ENTPD1: variants seen among roughly 807,000 people sequenced by gnomAD.
The protein encoded by ENTPD1 is ATP diphosphohydrolase.
A neutral mutation model predicts 57.0 loss-of-function variants in ENTPD1; 33 were observed. The observed-to-expected ratio is 0.58, with a 90% confidence interval of 0.44 to 0.77. The LOEUF (loss-of-function observed/expected upper bound fraction) is 0.77. ENTPD1 is among the 30% of genes least tolerant of loss of function. ENTPD1 has a pLI of 0.00. For missense variants in ENTPD1, 501 were observed against 603.4 expected (o/e 0.83, Z 1.78); for synonymous variants, 202 against 218.8 (o/e 0.92, Z 0.68).
intron 1 of ENTPD1, among the ~76,000 whole-genome samples, chr10:95,732,696 G>T (rs2097990525): frequency 1.3e-5 from 2 of 152,118 alleles, no homozygotes; most frequent in Non-Finnish European, 2.9e-5. Context: ...GAGAAATAAA[G>T]GGAAAGAGTA....
chr10:95,797,039 C>T (rs2098229316), intron 1 of ENTPD1, among the ~76,000 whole-genome samples: 1 of 152,000 alleles, frequency 6.6e-6, no homozygotes, highest in African/African-American at 2.4e-5. Flanking sequence ...TGCCACTGCA[C>T]TCCAGCCTGG....
chr10:95,777,521 G>A (rs1406177309), intron 1 of ENTPD1, among the ~76,000 whole-genome samples: 1 of 152,158 alleles, frequency 6.6e-6, no homozygotes, highest in Non-Finnish European at 1.5e-5. Context: ...CCTTCCTCTG[G>A]AAGCTTCGTC....
chr10:95,761,917 C>T (rs766351511), intron 1 of ENTPD1, among the ~76,000 whole-genome samples: 9 of 152,130 alleles, frequency 5.9e-5, no homozygotes, highest in Non-Finnish European at 1.0e-4. Context: ...GCATTGTCTA[C>T]GCTCTGCAGA....
At chr10:95,696,438 C>T in the ENTPD1 span, among the ~76,000 whole-genome samples, 1 of 152,066 alleles carries the variant, frequency 6.6e-6, no homozygotes, top group Non-Finnish European at 1.5e-5. Context: ...ACCCACCACA[C>T]CCAGCTAATT....
chr10:95,824,760 C>G (rs2098367727), intron 2 of ENTPD1, among the ~76,000 whole-genome samples: 1 of 152,190 alleles, frequency 6.6e-6, no homozygotes, highest in South Asian at 2.1e-4. Flanking sequence ...CATGGACGAC[C>G]TTCCCTCATT....
At chr10:95,755,995 TCGA>T (rs2098021694), upstream of ENTPD1, 1 of 1,464,546 alleles carries the variant, frequency 6.8e-7, no homozygotes, top group South Asian at 1.5e-5. Flanking sequence ...GGAAAAGGCT[TCGA>T]GTAACTTTAG....
At chr10:95,695,755 T>A in the ENTPD1 span, among the ~76,000 whole-genome samples, 2 of 152,208 alleles carry the variant, frequency 1.3e-5, no homozygotes, top group Non-Finnish European at 2.9e-5. Context: ...GTTTTGTCTG[T>A]TTTGTTCATT....
intron 4 of ENTPD1, 73 bp downstream of exon 4, chr10:95,842,567 G>C: frequency 6.4e-7 from 1 of 1,553,236 alleles, no homozygotes; most frequent in Non-Finnish European, 8.7e-7. Context: ...GAAGTTATGG[G>C]AAAGGGCCAC....
At chr10:95,740,774 G>A (rs991982702) in intron 1 of ENTPD1, among the ~76,000 whole-genome samples, 3 of 152,202 alleles carry the variant, frequency 2.0e-5, no homozygotes, top group African/African-American at 4.8e-5. Flanking sequence ...TTCACCTTGC[G>A]CTTTTACATT....
At chr10:95,729,933 T>C (rs1170846938) in intron 1 of ENTPD1, among the ~76,000 whole-genome samples, 1 of 152,204 alleles carries the variant, frequency 6.6e-6, no homozygotes, top group Non-Finnish European at 1.5e-5. Flanking sequence ...GATTCCTGAT[T>C]TGTAGCAAGT....
intron 1 of ENTPD1, among the ~76,000 whole-genome samples, chr10:95,761,368 T>C (rs2098061483): frequency 6.6e-6 from 1 of 152,190 alleles, no homozygotes; most frequent in Non-Finnish European, 1.5e-5. Context: ...CCAATAGCTC[T>C]GAAGTAGGTC....
rs975927782 is a variant in ENTPD1, at chr10:95,844,735, TGATA to T, written c.573+104_573+107del. Reference sequence around the variant, plus strand: ...TCGCTAGCCAGAATGAATGAATGAATGATAGATGGATGGATGGATGGATGACTGG... The same window carrying T: ...TCGCTAGCCAGAATGAATGAATGAATGATGGATGGATGGATGGATGACTGG... On this transcript the variant is annotated intron_variant, in intron 5 of 9. Transcript: ENST00000371205. 4.0e-5 allele frequency: 55 copies of T among 1,370,180 alleles called. 1 individual carries two copies. Among genetic ancestry groups the T allele is most frequent in the Middle Eastern group, 2.4e-4 (1 of 4,182 alleles). The allele number at this position is 1,370,180 out of a possible 1,614,324, so 84.9% of individuals were successfully genotyped here. A position where few individuals can be genotyped will look rare whatever the true frequency, so the allele number is the denominator to read the frequency against.
intron 1 of ENTPD1, among the ~76,000 whole-genome samples, chr10:95,722,887 A>G (rs907596112): frequency 1.4e-4 from 22 of 152,328 alleles, no homozygotes; most frequent in Admixed American, 1.4e-3. Context: ...TACGAGTAAG[A>G]TTTGAGTTAG....
At chr10:95,835,226 T>C (rs1309349238) in intron 2 of ENTPD1, among the ~76,000 whole-genome samples, 1 of 152,226 alleles carries the variant, frequency 6.6e-6, no homozygotes, top group Non-Finnish European at 1.5e-5. Flanking sequence ...TCGCTTAGGG[T>C]AGTGGCCTCC....
At chr10:95,713,750 A>G (rs2097968411) in intron 1 of ENTPD1, among the ~76,000 whole-genome samples, 2 of 152,264 alleles carry the variant, frequency 1.3e-5, no homozygotes, top group Non-Finnish European at 1.5e-5. Flanking sequence ...AAAAAGGTAG[A>G]CAGGATATCC....
At chr10:95,861,738 A>C (rs2098465643) in intron 8 of ENTPD1, 1 of 152,134 alleles carries the variant, frequency 6.6e-6, no homozygotes, top group Admixed American at 6.5e-5. Context: ...GCTGCTGAGG[A>C]AGCAGATTTA....
chr10:95,708,682 T>C (rs944268802), upstream of ENTPD1, among the ~76,000 whole-genome samples: 1 of 152,246 alleles, frequency 6.6e-6, no homozygotes, highest in Admixed American at 6.5e-5. Flanking sequence ...AATGAGGTAG[T>C]TCTTTATTTA....
At chr10:95,771,460 G>A (rs1248835203) in intron 1 of ENTPD1, among the ~76,000 whole-genome samples, 1 of 152,188 alleles carries the variant, frequency 6.6e-6, no homozygotes, top group Admixed American at 6.5e-5. Flanking sequence ...GTCCTGAGGT[G>A]GGAAGGAATG....
Position 95,762,204 on chromosome 10 carries a change from A to G in ENTPD1, c.16+5949A>G, listed in dbSNP as rs567392762. Among the ~76,000 whole-genome samples, 9 of 147,374 alleles carry G rather than the reference A, an allele frequency of 6.1e-5. No homozygotes were observed. The East Asian group carries it at 9.9e-4, about 16-fold the overall frequency. ...CTGCTTGGTTTAAAAAAATTTAAAA[A>G]GAAGCAAAAAAAAAAAAAAAAAAGA... On this transcript the variant is annotated intron_variant, in intron 1 of 9. Coordinates refer to ENST00000371205, the MANE Select transcript of ENTPD1 (RefSeq NM_001776.6).
Sources: gnomAD v4.1 joint callset for allele counts (sites outside exome capture counted in the v4.1 genomes callset) on GRCh38, gnomAD v4.1.1 for gene constraint, MANE v1.5 for transcripts, NCBI Gene and HGNC (gene_info 2026-07-23, HGNC 2026-07-21) for gene names.